The following NSD2 variants were observed in gnomAD, a reference collection of about 807,000 sequenced individuals.
NSD2 encodes the protein histone-lysine N-methyltransferase NSD2.
Under a neutral mutation model 139.0 loss-of-function variants are expected in NSD2, and 12 were observed. The observed-to-expected ratio is 0.09, with a 90% CI of 0.06 to 0.14. NSD2 has a LOEUF of 0.14. Ranked by LOEUF, NSD2 falls within the 10% of genes least tolerant of loss-of-function variation. The pLI is 1.00. For missense variants in NSD2, 1,155 were observed against 1,745.0 expected, an observed-to-expected ratio of 0.66 and a Z score of 6.02; for synonymous variants, 669 against 648.7, an observed-to-expected ratio of 1.03 and a Z score of -0.48.
Position 1,941,719 on chromosome 4 carries a change from C to T in NSD2, c.1881+1941C>T, listed in dbSNP as rs1175094284. 7.6e-6 allele frequency: 8 copies of T among 1,046,700 alleles called. No individual in the cohort carries two copies. In the South Asian group the frequency reaches 3.7e-4, roughly 48 times the overall value. The allele number at this position is 1,046,700 out of a possible 1,614,324, so 64.8% of individuals were successfully genotyped here. Reference sequence around the variant, plus strand: ...AAACGTTTAAATTACTGGGTCTTTTCCATTAAACTACTTTTGTATGGCTTA... The same window carrying T: ...AAACGTTTAAATTACTGGGTCTTTTTCATTAAACTACTTTTGTATGGCTTA... On this transcript the variant is annotated intron_variant, in intron 9 of 21. Coordinates refer to ENST00000508803, the MANE Select transcript of NSD2 (RefSeq NM_001042424.3).
At chr4:1,921,964 A>G (rs995998088) in intron 5 of NSD2, among the ~76,000 whole-genome samples, 7 of 152,090 alleles carry the variant, frequency 4.6e-5, no homozygotes, top group South Asian at 2.1e-4. Flanking sequence ...CCTGGCCAAC[A>G]TGGTGAAATC....
chr4:1,901,066 C>G lies in NSD2; in HGVS notation c.412C>G (p.Leu138Val), dbSNP rs1421443584. 1 of 1,614,180 alleles carries G rather than the reference C, an allele frequency of 6.2e-7. No individual in the cohort carries two copies. Among genetic ancestry groups the G allele is most frequent in the African/African-American group, 1.3e-5 (1 of 75,048 alleles). Residue 138 changes from leucine (L) to valine (V), a missense_variant, in exon 2 of 22, where the codon CTC (leucine) becomes GTC (valine). Coordinates refer to ENST00000508803, the MANE Select transcript of NSD2 (RefSeq NM_001042424.3). ...ITKTYMNGKPLFESSICGDSA... is the reference protein window; with the variant it reads ...ITKTYMNGKPVFESSICGDSA... ...CAAAACATACATGAATGGGAAGCCT[C>G]TCTTTGAATCTTCCATTTGTGGTGA...
chr4:1,975,482 C>A, intron 20 of NSD2, 82 bp downstream of exon 20: 4 of 1,280,002 alleles, frequency 3.1e-6, no homozygotes, highest in African/African-American at 1.5e-5. Context: ...CCGTGAACAG[C>A]GGCTTCCTCC....
chr4:1,923,144 A>G (rs1045073310), intron 5 of NSD2, among the ~76,000 whole-genome samples: 4 of 151,962 alleles, frequency 2.6e-5, no homozygotes, highest in Non-Finnish European at 5.9e-5. Flanking sequence ...GATTTCTTAA[A>G]TAAGCCAAAC....
At position 1,958,178 on chromosome 4, in the gene NSD2, C is replaced by G. The variant is rs1463796129; in HGVS notation, c.2985+142C>G. On this transcript the variant is annotated intron_variant, in intron 16 of 21. Coordinates refer to ENST00000508803, the MANE Select transcript of NSD2 (RefSeq NM_001042424.3). This position sits in a 1 kb window ranked among gnomAD's most constrained non-coding sequence, Gnocchi z 4.6. The stretch of plus-strand genomic sequence containing the variant: ...GTGGTGCCTGGCATGGATGGCCACA[C>G]AAGAGACCATGAGCAAATGGCATGG... 1.3e-6 allele frequency: 1 copy of G among 790,474 alleles called. No homozygotes were observed. The highest frequency in any genetic ancestry group is 1.7e-5 in the African/African-American group (1 of 57,686). The allele number at this position is 790,474 out of a possible 1,614,324, so 49.0% of individuals were successfully genotyped here. A position where few individuals can be genotyped will look rare whatever the true frequency, so the allele number is the denominator to read the frequency against.
chr4:1,917,213 A>G (rs1316640414), intron 4 of NSD2, among the ~76,000 whole-genome samples, 176 bp downstream of exon 4: 3 of 152,166 alleles, frequency 2.0e-5, no homozygotes, highest in Non-Finnish European at 2.9e-5. Context: ...AAGTTCTTTT[A>G]GAGACACAAC....
At chr4:1,971,014 G>A (rs998293327) in intron 18 of NSD2, among the ~76,000 whole-genome samples, 2 of 152,222 alleles carry the variant, frequency 1.3e-5, no homozygotes, top group African/African-American at 4.8e-5. Flanking sequence ...TCATAAAACC[G>A]AATTCTCTGC....
intron 3 of NSD2, among the ~76,000 whole-genome samples, chr4:1,913,933 GGTTAA>G (rs1393786170): frequency 2.0e-5 from 3 of 152,102 alleles, no homozygotes; most frequent in African/African-American, 7.2e-5. Context: ...GTTCTTTCTT[GGTTAA>G]GTTTTCTTTT....
chr4:1,930,519 T>C lies in NSD2; in HGVS notation c.1411-107T>C, dbSNP rs146808689. On this transcript the variant is annotated intron_variant, in intron 5 of 21. Coordinates refer to ENST00000508803, the MANE Select transcript of NSD2 (RefSeq NM_001042424.3). ...TAGTTCCACGATGTGGGAATAAAAA[T>C]GCGACACACTAAGTTCTAAAGGGCC... 107 of 1,196,036 alleles carry C rather than the reference T, an allele frequency of 8.9e-5. No individual in the cohort carries two copies. The African/African-American group carries it at 1.2e-3, about 14-fold the overall frequency. 74.1% of individuals were successfully genotyped at this position (1,196,036 alleles called of 1,614,324 possible).
At chr4:1,943,208 C>G in intron 9 of NSD2, 19 of 1,041,554 alleles carry the variant, frequency 1.8e-5, no homozygotes, top group Non-Finnish European at 2.2e-5. Context: ...CCCTTCAGCT[C>G]ATAAAAGCAG....
intron 8 of NSD2, among the ~76,000 whole-genome samples, chr4:1,938,883 C>T (rs552200811): frequency 6.6e-6 from 1 of 152,276 alleles, no homozygotes; most frequent in South Asian, 2.1e-4. Context: ...TAAATTCTGT[C>T]ACCCTTCAGT....
chr4:1,890,220 TA>T (rs1715424143), intron 1 of NSD2, among the ~76,000 whole-genome samples: 1 of 152,226 alleles, frequency 6.6e-6, no homozygotes, highest in Non-Finnish European at 1.5e-5. Flanking sequence ...CATCAGTTGA[TA>T]GACAGTTGGG....
chr4:1,941,030 T>C, intron 9 of NSD2: 1 of 1,057,462 alleles, frequency 9.5e-7, no homozygotes, highest in Non-Finnish European at 1.1e-6. Context: ...TTAAGCATTT[T>C]GTGATGTTTG....
At chr4:1,920,967 G>C (rs1720040059) in intron 5 of NSD2, among the ~76,000 whole-genome samples, 1 of 152,208 alleles carries the variant, frequency 6.6e-6, no homozygotes. Context: ...GAGTCCAGAA[G>C]TTTAAGGCTG....
intron 3 of NSD2, among the ~76,000 whole-genome samples, chr4:1,911,875 C>T (rs1718739530): frequency 6.6e-6 from 1 of 152,160 alleles, no homozygotes; most frequent in African/African-American, 2.4e-5. Context: ...ATAATCTCTT[C>T]TGCTTTTTTT....
intron 8 of NSD2, chr4:1,939,175 CT>C (rs1206616330): frequency 6.4e-6 from 1 of 157,010 alleles, no homozygotes; most frequent in African/African-American, 2.4e-5. Flanking sequence ...GCTTGACTGG[CT>C]TTTAAAAATC....
chr4:1,888,609 C>T (rs1214790048), intron 1 of NSD2, among the ~76,000 whole-genome samples: 2 of 151,900 alleles, frequency 1.3e-5, no homozygotes, highest in African/African-American at 4.8e-5. Context: ...CTCTGTCACC[C>T]AGGCTGGATT....
intron 1 of NSD2, among the ~76,000 whole-genome samples, chr4:1,888,689 G>A (rs1048967667): frequency 1.3e-5 from 2 of 149,496 alleles, no homozygotes; most frequent in African/African-American, 2.5e-5. Flanking sequence ...CTCAGCCTCC[G>A]GAGTAGCTGG....
chr4:1,953,075 G>C, intron 11 of NSD2: 3 of 1,469,380 alleles, frequency 2.0e-6, no homozygotes, highest in Non-Finnish European at 2.7e-6. Context: ...CCCCAGCCAG[G>C]CTGCCTAGTA....
Sources: allele counts gnomAD v4.1 joint callset (sites outside exome capture counted in the v4.1 genomes callset), GRCh38; gene constraint gnomAD v4.1.1; non-coding constraint Gnocchi (gnomAD v3.1); transcripts MANE v1.5; gene names NCBI Gene and HGNC (gene_info 2026-07-23, HGNC 2026-07-21).